The following PDE3A variants were observed in gnomAD, a reference collection of about 807,000 sequenced individuals.
The protein encoded by PDE3A is cGMP-inhibited 3',5'-cyclic phosphodiesterase 3A.
In PDE3A, 43 loss-of-function variants were observed where a neutral mutation model predicts 98.3. The observed-to-expected ratio is 0.44, with a 90% CI of 0.34 to 0.56. The LOEUF (loss-of-function observed/expected upper bound fraction) is 0.56, where lower values mean the gene tolerates loss of function less well. Ranked by LOEUF, PDE3A falls within the 20% of genes least tolerant of loss-of-function variation. The probability of loss-of-function intolerance (pLI) is 0.01; values close to 1 mark genes in which losing one functional copy is unlikely to be tolerated. For synonymous variants in PDE3A, 663 were observed against 567.9 expected (o/e 1.17, Z -2.38); for missense variants, 1,427 against 1,440.7 (o/e 0.99, Z 0.15).
chr12:20,375,131 T>C (rs545219370), intron 1 of PDE3A, among the ~76,000 whole-genome samples: 9 of 152,092 alleles, frequency 5.9e-5, no homozygotes, highest in African/African-American at 2.2e-4. Context: ...TTAAAAAATA[T>C]TATGCTTATA....
Position 20,437,902 on chromosome 12 carries a change from G to A in PDE3A, c.960+67658G>A, listed in dbSNP as rs186402794. 8.0e-3 allele frequency among the ~76,000 whole-genome samples: 1,211 copies of A among 152,046 alleles called. 8 individuals carry two copies. Among genetic ancestry groups the A allele is most frequent in the South Asian group, 0.022 (106 of 4,816 alleles). Reference sequence around the variant, plus strand: ...AAAGGTTGAAATGAACTAAATTGAGGGTTGTTTATATTAAATAAAGCTATT... The same window carrying A: ...AAAGGTTGAAATGAACTAAATTGAGAGTTGTTTATATTAAATAAAGCTATT... On this transcript the variant is annotated intron_variant, in intron 1 of 15. Transcript: ENST00000359062.
chr12:20,500,661 A>G (rs1946006363), intron 1 of PDE3A, among the ~76,000 whole-genome samples: 1 of 151,942 alleles, frequency 6.6e-6, no homozygotes, highest in Admixed American at 6.6e-5. Context: ...TTAATCAAAT[A>G]TGTTCCTCAA....
intron 2 of PDE3A, among the ~76,000 whole-genome samples, chr12:20,609,778 G>A (rs1297761222): frequency 6.6e-6 from 1 of 152,004 alleles, no homozygotes; most frequent in Admixed American, 6.6e-5. Flanking sequence ...ACACAAGGGT[G>A]CTAGGAGGAC....
chr12:20,437,132 C>T (rs1436916497), intron 1 of PDE3A, among the ~76,000 whole-genome samples: 2 of 151,850 alleles, frequency 1.3e-5, no homozygotes, highest in Non-Finnish European at 2.9e-5. Context: ...GACTGTGCTA[C>T]TAAACAAAGT....
chr12:20,482,153 G>A (rs1006186310), intron 1 of PDE3A, among the ~76,000 whole-genome samples: 6 of 151,818 alleles, frequency 4.0e-5, no homozygotes, highest in African/African-American at 7.3e-5. Flanking sequence ...GTTTTGACTC[G>A]TGTGATTACA....
At chr12:20,534,735 T>C (rs750696884) in intron 1 of PDE3A, among the ~76,000 whole-genome samples, 1 of 152,232 alleles carries the variant, frequency 6.6e-6, no homozygotes, top group African/African-American at 2.4e-5. Context: ...GAAATGTCTG[T>C]CCTTTATCTC....
chr12:20,399,956 T>C (rs1256369640), intron 1 of PDE3A, among the ~76,000 whole-genome samples: 1 of 152,214 alleles, frequency 6.6e-6, no homozygotes, highest in African/African-American at 2.4e-5. Flanking sequence ...GTACCAGTGA[T>C]TGAATTAGAA....
At chr12:20,659,134 T>C (rs1945103432) in intron 15 of PDE3A, among the ~76,000 whole-genome samples, 1 of 152,160 alleles carries the variant, frequency 6.6e-6, no homozygotes, top group Non-Finnish European at 1.5e-5. Flanking sequence ...TTTGAGTCCA[T>C]CTCATGAAGA....
At chr12:20,673,654 A>C (rs1367186284) in intron 15 of PDE3A, among the ~76,000 whole-genome samples, 1 of 147,384 alleles carries the variant, frequency 6.8e-6, no homozygotes, top group African/African-American at 2.5e-5. Context: ...GAACAATGAG[A>C]ACACATGGAC....
At chr12:20,516,496 T>G (rs150412334) in intron 1 of PDE3A, among the ~76,000 whole-genome samples, 22 of 152,342 alleles carry the variant, frequency 1.4e-4, no homozygotes, top group African/African-American at 4.8e-4. Flanking sequence ...TTACCTGGCA[T>G]GTAGAATACC....
chr12:20,661,557 T>C lies in PDE3A; in HGVS notation c.3184+7352T>C, dbSNP rs376008642. On this transcript the variant is annotated intron_variant, in intron 15 of 15. Coordinates refer to ENST00000359062, the MANE Select transcript of PDE3A (RefSeq NM_000921.5). ...GGCTGGGTTCAGGGTCCCTGAGCAG[T>C]GTGCAGCCTAGGGACTTGGTTCCCT... 8.5e-5 allele frequency among the ~76,000 whole-genome samples: 13 copies of C among 152,226 alleles called. No individual in the cohort carries two copies. The East Asian group carries it at 2.3e-3, about 27-fold the overall frequency.
Position 20,369,192 on chromosome 12 carries a change from T to TGC in PDE3A, c.-92_-91insCG, listed in dbSNP as rs764784119. The stretch of plus-strand genomic sequence containing the variant: ...TGGAATTGGGAAGAGCGTGCGTGCG[T>TGC]GTGTGTGTGTGTGTGTGTGCGCGCG... On this transcript the variant is annotated 5_prime_UTR_variant, in exon 1 of 16. Transcript: ENST00000359062. 6,936 of 207,528 alleles carry TGC rather than the reference T, an allele frequency of 0.033. 5 individuals carry two copies. Among genetic ancestry groups the TGC allele is most frequent in the Non-Finnish European group, 0.036 (5,148 of 142,122 alleles). 12.9% of individuals were successfully genotyped at this position (207,528 alleles called of 1,614,324 possible).
intron 1 of PDE3A, among the ~76,000 whole-genome samples, chr12:20,536,289 A>G (rs545780544): frequency 6.6e-6 from 1 of 152,180 alleles, no homozygotes; most frequent in African/African-American, 2.4e-5. Flanking sequence ...TTAAATAGGG[A>G]TGACAAGACT....
At chr12:20,388,646 A>T (rs373042263) in intron 1 of PDE3A, among the ~76,000 whole-genome samples, 1 of 152,154 alleles carries the variant, frequency 6.6e-6, no homozygotes, top group East Asian at 1.9e-4. Context: ...CAGGTTCATA[A>T]TGATTTTTGT....
chr12:20,655,066 T>A (rs894356458), intron 15 of PDE3A, among the ~76,000 whole-genome samples: 3 of 152,010 alleles, frequency 2.0e-5, no homozygotes, highest in Non-Finnish European at 2.9e-5. Context: ...TACATTCTAG[T>A]GGGATCAGTA....
intron 2 of PDE3A, among the ~76,000 whole-genome samples, chr12:20,609,378 T>C (rs6487114): frequency 0.97 from 147,221 of 152,058 alleles, 71,459 homozygotes; most frequent in East Asian, 1. Context: ...ATTTGTACAT[T>C]GAAAATTATA....
chr12:20,453,437 C>T lies in PDE3A; in HGVS notation c.960+83193C>T, dbSNP rs114023354. 1.9e-3 allele frequency among the ~76,000 whole-genome samples: 287 copies of T among 152,160 alleles called. 2 individuals are homozygous for T. The highest frequency in any genetic ancestry group is 6.6e-3 in the African/African-American group (275 of 41,522). ...TCAGGTGATCTGCCCACCTTGGCTA[C>T]TCAATACCTGGGATTACAGGCATTG... is the stretch of plus-strand genomic sequence containing the variant. On this transcript the variant is annotated intron_variant, in intron 1 of 15. Transcript: ENST00000359062.
chr12:20,406,238 C>A (rs1190346800), intron 1 of PDE3A, among the ~76,000 whole-genome samples: 1 of 152,084 alleles, frequency 6.6e-6, no homozygotes, highest in Non-Finnish European at 1.5e-5. Flanking sequence ...ATTTCCTTTG[C>A]ATGTATACCC....
chr12:20,633,670 A>G (rs1211854872), intron 6 of PDE3A, 23 bp from the exon 7 acceptor site: 2 of 1,485,090 alleles, frequency 1.3e-6, no homozygotes, highest in Admixed American at 1.8e-5. Context: ...GGCTACACCT[A>G]TAGCTCTTCC....
Sources: gnomAD v4.1 joint callset for allele counts (sites outside exome capture counted in the v4.1 genomes callset) on GRCh38, gnomAD v4.1.1 for gene constraint, MANE v1.5 for transcripts, NCBI Gene and HGNC (gene_info 2026-07-23, HGNC 2026-07-21) for gene names.